Variants in NEDD4 observed in about 807,000 individuals in gnomAD.
The protein encoded by NEDD4 is NEDD4 E3 ubiquitin protein ligase, also known as E3 ubiquitin-protein ligase NEDD4.
Under a neutral mutation model 144.9 loss-of-function variants are expected in NEDD4, and 99 were observed. That is an observed-to-expected ratio of 0.68 (90% CI 0.58 to 0.81). NEDD4 has a LOEUF of 0.81. Ranked by LOEUF, NEDD4 falls within the 30% of genes least tolerant of loss-of-function variation. NEDD4 has a pLI of 0.00. For missense variants in NEDD4, 985 were observed against 1,065.9 expected, an observed-to-expected ratio of 0.92 and a Z score of 1.06; for synonymous variants, 318 against 350.6, an observed-to-expected ratio of 0.91 and a Z score of 1.04.
chr15:55,912,627 A>G (rs1000058235), intron 5 of NEDD4, among the ~76,000 whole-genome samples: 4 of 152,304 alleles, frequency 2.6e-5, no homozygotes, highest in African/African-American at 9.6e-5. Flanking sequence ...GGGAAACAAA[A>G]TAACAGTAGA....
intron 1 of NEDD4, among the ~76,000 whole-genome samples, chr15:55,985,971 G>T (rs76297040): frequency 6.6e-6 from 1 of 152,202 alleles, no homozygotes; most frequent in East Asian, 1.9e-4. Context: ...ACTTCTGCCA[G>T]AAAGTGTTCA....
At position 55,848,821 on chromosome 15, in the gene NEDD4, A is replaced by T; in HGVS notation, c.1413T>A (p.Asp471Glu). ...ATACACTTACAGGTAAAGGCCCTAG[A>T]TCATTGGAAGTATCAAGTGATGTCT... ...RGKTSLDTSN[D>E]LGPLPPGWEE... is the part of the protein sequence containing the mutation. Residue 471 changes from aspartate to glutamate, a missense_variant, in exon 15 of 29, where the codon GAT becomes GAA. Coordinates refer to ENST00000435532, the MANE Select transcript of NEDD4 (RefSeq NM_006154.4). The T allele has an allele frequency of 1.2e-6, 2 of 1,613,668 alleles. No individual in the cohort carries two copies. The highest frequency in any genetic ancestry group is 1.7e-6 in the Non-Finnish European group (2 of 1,179,684).
At chr15:55,974,882 TTTTCC>T in intron 1 of NEDD4, among the ~76,000 whole-genome samples, 1 of 133,460 alleles carries the variant, frequency 7.5e-6, no homozygotes, top group African/African-American at 2.9e-5. Context: ...TGTCCATTTC[TTTTCC>T]TTTCTTTTTT....
At chr15:55,874,528 A>G (rs1190348749) in intron 5 of NEDD4, among the ~76,000 whole-genome samples, 1 of 152,188 alleles carries the variant, frequency 6.6e-6, no homozygotes, top group South Asian at 2.1e-4. Flanking sequence ...TTCCAAATCT[A>G]TATATAAACT....
chr15:55,907,378 C>T (rs1193920317), intron 5 of NEDD4, among the ~76,000 whole-genome samples: 3 of 152,070 alleles, frequency 2.0e-5, no homozygotes, highest in Non-Finnish European at 4.4e-5. Flanking sequence ...ATCATATGGG[C>T]AATCACATAT....
Position 55,872,437 on chromosome 15 carries a change from C to A in NEDD4, c.382G>T (p.Asp128Tyr), listed in dbSNP as rs1450058583. ...GACCTTCTTGGATGAAGAACAAAATCCTTAAATGTATATGGTCTCTCCAAT... is the reference window on the plus strand; with the variant it reads ...GACCTTCTTGGATGAAGAACAAAATACTTAAATGTATATGGTCTCTCCAAT... ...PRLERPYTFK[D>Y]FVLHPRSHKS... Residue 128 changes from aspartate to tyrosine, a missense_variant, in exon 7 of 29, where the codon GAT (aspartate) becomes TAT (tyrosine). Physicochemically the swap from Asp to Tyr is radical, Grantham distance 160. Coordinates refer to ENST00000435532, the MANE Select transcript of NEDD4 (RefSeq NM_006154.4). 1.4e-5 allele frequency: 21 copies of A among 1,471,344 alleles called. No individual in the cohort carries two copies. The highest frequency in any genetic ancestry group is 1.8e-5 in the Non-Finnish European group (20 of 1,096,738). The allele number at this position is 1,471,344 out of a possible 1,614,324, so 91.1% of individuals were successfully genotyped here.
At chr15:55,993,204 T>C (rs1328231035) in intron 1 of NEDD4, among the ~76,000 whole-genome samples, 4 of 151,910 alleles carry the variant, frequency 2.6e-5, no homozygotes, top group East Asian at 3.9e-4. Context: ...GTGATGTGGG[T>C]CCCCCGCCGA....
intron 5 of NEDD4, among the ~76,000 whole-genome samples, chr15:55,923,314 T>C (rs564391707): frequency 6.6e-6 from 1 of 152,262 alleles, no homozygotes; most frequent in Admixed American, 6.5e-5. Flanking sequence ...TAACCATATC[T>C]GATAATCAAA....
At chr15:55,849,005 T>C in intron 14 of NEDD4, 119 bp from the exon 15 acceptor site, 1 of 749,832 alleles carries the variant, frequency 1.3e-6, no homozygotes, top group Non-Finnish European at 2.2e-6. Context: ...TAAAAGTCAA[T>C]TTATACTTTA....
chr15:55,931,312 A>G (rs2036776715), intron 4 of NEDD4, among the ~76,000 whole-genome samples: 2 of 152,164 alleles, frequency 1.3e-5, no homozygotes, highest in African/African-American at 4.8e-5. Context: ...AGAAACAGTT[A>G]AAAAGTGGGT....
chr15:55,975,665 A>G (rs2037686887), intron 1 of NEDD4, among the ~76,000 whole-genome samples: 1 of 152,136 alleles, frequency 6.6e-6, no homozygotes, highest in Admixed American at 6.5e-5. Flanking sequence ...TTCCATGTTC[A>G]TGGATTGGAA....
rs2035649642 is a variant in NEDD4, at chr15:55,893,801, C to T, written c.292-19793G>A. On this transcript the variant is annotated intron_variant, in intron 5 of 28. Coordinates refer to ENST00000435532, the MANE Select transcript of NEDD4 (RefSeq NM_006154.4). Reference sequence around the variant, plus strand: ...ATCCACACTATATGGATTCATACTACATACTAGATATAGATAGAAAAAAGG... The same window carrying T: ...ATCCACACTATATGGATTCATACTATATACTAGATATAGATAGAAAAAAGG... Among the ~76,000 whole-genome samples the T allele has an allele frequency of 2.7e-5, 4 of 148,272 alleles. No homozygotes were observed. In the South Asian group the frequency reaches 8.8e-4, roughly 33 times the overall value.
chr15:55,867,791 C>CA (rs2034634926), intron 8 of NEDD4, among the ~76,000 whole-genome samples: 1 of 152,212 alleles, frequency 6.6e-6, no homozygotes, highest in Admixed American at 6.5e-5. Flanking sequence ...TGCCGTGGCT[C>CA]ACGCCTGTAG....
intron 2 of NEDD4, among the ~76,000 whole-genome samples, chr15:55,965,308 C>T (rs1242145402): frequency 6.6e-6 from 1 of 151,994 alleles, no homozygotes; most frequent in Non-Finnish European, 1.5e-5. Flanking sequence ...CTCAAGCAAT[C>T]CTCCTGACTC....
At chr15:55,946,083 G>C (rs1353223369) in intron 4 of NEDD4, among the ~76,000 whole-genome samples, 1 of 152,188 alleles carries the variant, frequency 6.6e-6, no homozygotes, top group Non-Finnish European at 1.5e-5. Flanking sequence ...ATGCTATGAA[G>C]AAACTCCATC....
intron 2 of NEDD4, among the ~76,000 whole-genome samples, chr15:55,954,037 A>C (rs57208793): frequency 0.13 from 20,412 of 151,812 alleles, 1,494 homozygotes; most frequent in East Asian, 0.32. Flanking sequence ...TCCTTAATTC[A>C]TGTTACACTT....
chr15:55,869,288 A>G (rs566121962), intron 8 of NEDD4, among the ~76,000 whole-genome samples: 4 of 152,292 alleles, frequency 2.6e-5, no homozygotes, highest in African/African-American at 7.2e-5. Context: ...TCAAAATACT[A>G]AATTGTGTTC....
At chr15:55,950,429 C>A (rs1198537083) in intron 4 of NEDD4, among the ~76,000 whole-genome samples, 2 of 152,176 alleles carry the variant, frequency 1.3e-5, no homozygotes, top group African/African-American at 4.8e-5. Context: ...AATCTTTAAA[C>A]ATGAAGTACA....
intron 1 of NEDD4, among the ~76,000 whole-genome samples, chr15:55,982,331 C>G (rs186086411): frequency 1.3e-5 from 2 of 151,884 alleles, no homozygotes; most frequent in African/African-American, 4.8e-5. Context: ...GAATGTTCAC[C>G]GTAGGTTTAT....
Sources: gnomAD v4.1 joint callset for allele counts (sites outside exome capture counted in the v4.1 genomes callset) on GRCh38, gnomAD v4.1.1 for gene constraint, MANE v1.5 for transcripts, NCBI Gene and HGNC (gene_info 2026-07-23, HGNC 2026-07-21) for gene names.